PTPRM: variants seen among roughly 807,000 people sequenced by gnomAD.
The protein encoded by PTPRM is receptor-type tyrosine-protein phosphatase mu.
Under a neutral mutation model 186.7 loss-of-function variants are expected in PTPRM, and 47 were observed. That is an observed-to-expected ratio of 0.25 (90% CI 0.20 to 0.32). PTPRM has a LOEUF of 0.32. Ranked by LOEUF, PTPRM falls within the 10% of genes least tolerant of loss-of-function variation. PTPRM has a pLI of 1.00. For synonymous variants in PTPRM, 668 were observed against 674.9 expected (o/e 0.99, Z 0.16); for missense variants, 1,494 against 1,865.0 (o/e 0.80, Z 3.66).
intron 14 of PTPRM, among the ~76,000 whole-genome samples, chr18:8,192,869 T>C (rs1483508972): frequency 6.6e-6 from 1 of 152,176 alleles, no homozygotes; most frequent in East Asian, 1.9e-4. Context: ...AAACTGAGCC[T>C]TAACAACAAA....
intron 10 of PTPRM, 98 bp downstream of exon 10, chr18:8,085,970 T>C (rs898106775): frequency 8.5e-7 from 1 of 1,181,224 alleles, no homozygotes; most frequent in East Asian, 2.4e-5. Context: ...CACACTAACA[T>C]TGTATCCAAA....
At chr18:7,975,960 G>A (rs2054904073) in intron 7 of PTPRM, among the ~76,000 whole-genome samples, 1 of 152,150 alleles carries the variant, frequency 6.6e-6, no homozygotes, top group Non-Finnish European at 1.5e-5. Flanking sequence ...CACGAGGTCA[G>A]GTGTTCAAGA....
chr18:8,304,211 T>C (rs1032791604), intron 20 of PTPRM, among the ~76,000 whole-genome samples: 1 of 152,180 alleles, frequency 6.6e-6, no homozygotes, highest in African/African-American at 2.4e-5. Context: ...ATGTTTAATA[T>C]GGAAGTGTTA....
At chr18:7,761,404 A>G (rs544440804) in intron 1 of PTPRM, among the ~76,000 whole-genome samples, 1 of 152,310 alleles carries the variant, frequency 6.6e-6, no homozygotes, top group African/African-American at 2.4e-5. Context: ...CGGCAGACAC[A>G]CTGACTGAGG....
intron 1 of PTPRM, among the ~76,000 whole-genome samples, chr18:7,573,712 C>A (rs559680970): frequency 1.0e-3 from 156 of 152,238 alleles, no homozygotes; most frequent in African/African-American, 3.6e-3. Flanking sequence ...GCCTCAGCCT[C>A]CCGAGTGGCT....
intron 1 of PTPRM, among the ~76,000 whole-genome samples, chr18:7,756,658 A>G (rs1848475936): frequency 6.6e-6 from 1 of 152,198 alleles, no homozygotes; most frequent in South Asian, 2.1e-4. Flanking sequence ...TCATCCCACT[A>G]TGATTGTATA....
chr18:8,226,246 A>G (rs1359009678), intron 14 of PTPRM, among the ~76,000 whole-genome samples: 2 of 152,006 alleles, frequency 1.3e-5, no homozygotes, highest in African/African-American at 4.8e-5. Context: ...TCTGTTCCCC[A>G]TCATTCCCAC....
chr18:8,352,045 A>G (rs1291363264), intron 23 of PTPRM, among the ~76,000 whole-genome samples: 1 of 152,228 alleles, frequency 6.6e-6, no homozygotes, highest in Non-Finnish European at 1.5e-5. Flanking sequence ...TTCTCAGCAC[A>G]ATTTAACCCA....
At chr18:8,051,581 G>C (rs1471735666) in intron 7 of PTPRM, among the ~76,000 whole-genome samples, 1 of 151,938 alleles carries the variant, frequency 6.6e-6, no homozygotes, top group African/African-American at 2.4e-5. Flanking sequence ...ATGTTTTTCA[G>C]GTTTATAAGA....
intron 2 of PTPRM, among the ~76,000 whole-genome samples, chr18:7,834,895 C>T (rs9964559): frequency 0.025 from 3,749 of 151,286 alleles, 156 homozygotes; most frequent in African/African-American, 0.085. Flanking sequence ...AATTTATTGG[C>T]ATATAGTTGC....
chr18:8,254,992 G>A (rs530236030), intron 19 of PTPRM, among the ~76,000 whole-genome samples: 1 of 152,352 alleles, frequency 6.6e-6, no homozygotes, highest in African/African-American at 2.4e-5. Flanking sequence ...TTCAGTTGAA[G>A]TTCTGCCTTT....
chr18:7,917,365 C>G (rs1366638052), intron 4 of PTPRM, among the ~76,000 whole-genome samples: 3 of 152,128 alleles, frequency 2.0e-5, no homozygotes, highest in Non-Finnish European at 4.4e-5. Context: ...AACCCCATCT[C>G]TACTAAAAAT....
chr18:8,043,095 A>G (rs1431567657), intron 7 of PTPRM, among the ~76,000 whole-genome samples: 2 of 152,118 alleles, frequency 1.3e-5, no homozygotes, highest in Non-Finnish European at 2.9e-5. Flanking sequence ...GACCTCATGC[A>G]AGGGAGATGT....
intron 7 of PTPRM, among the ~76,000 whole-genome samples, chr18:8,062,895 T>A (rs2088675750): frequency 7.2e-6 from 1 of 139,176 alleles, no homozygotes; most frequent in African/African-American, 2.9e-5. Context: ...TCTGCAGAGG[T>A]TACTGCTGTC....
intron 19 of PTPRM, among the ~76,000 whole-genome samples, chr18:8,259,806 C>A (rs2094609719): frequency 6.6e-6 from 1 of 152,054 alleles, no homozygotes. Flanking sequence ...CGCCACCACT[C>A]CTGGCTCATG....
At chr18:7,706,055 A>G (rs1423567535) in intron 1 of PTPRM, among the ~76,000 whole-genome samples, 1 of 149,082 alleles carries the variant, frequency 6.7e-6, no homozygotes, top group Non-Finnish European at 1.5e-5. Flanking sequence ...GTGTATATAC[A>G]TATATATAGA....
At chr18:8,195,031 C>G (rs1035783928) in intron 14 of PTPRM, among the ~76,000 whole-genome samples, 15 of 152,160 alleles carry the variant, frequency 9.9e-5, no homozygotes, top group African/African-American at 3.6e-4. Context: ...CAGCATCCAC[C>G]CTGAGGACAA....
intron 1 of PTPRM, among the ~76,000 whole-genome samples, chr18:7,688,826 G>C (rs980857120): frequency 6.6e-5 from 10 of 152,158 alleles, no homozygotes; most frequent in Admixed American, 4.6e-4. Context: ...AGATTTATGA[G>C]ACAGAGCTGC....
intron 23 of PTPRM, among the ~76,000 whole-genome samples, chr18:8,369,901 G>A (rs539770378): frequency 3.3e-5 from 5 of 152,212 alleles, no homozygotes; most frequent in South Asian, 4.1e-4. Flanking sequence ...AGTGGGCTGC[G>A]ATCACGCCAC....
Sources: gnomAD v4.1 joint callset for allele counts (sites outside exome capture counted in the v4.1 genomes callset) on GRCh38, gnomAD v4.1.1 for gene constraint, MANE v1.5 for transcripts, NCBI Gene and HGNC (gene_info 2026-07-23, HGNC 2026-07-21) for gene names.